Variants in HTRA1 observed in about 807,000 individuals in gnomAD.
HTRA1 encodes the protein serine protease HTRA1.
Under a neutral mutation model 49.7 loss-of-function variants are expected in HTRA1, and 26 were observed. That is an observed-to-expected ratio of 0.52 (90% CI 0.38 to 0.73). The LOEUF (loss-of-function observed/expected upper bound fraction) is 0.73, where lower values mean the gene tolerates loss of function less well. Ranked by LOEUF, HTRA1 falls within the 30% of genes least tolerant of loss-of-function variation. The pLI, the probability that HTRA1 is intolerant of heterozygous loss-of-function variation, is 0.00. For missense variants in HTRA1, 561 were observed against 667.2 expected (o/e 0.84, Z 1.75); for synonymous variants, 291 against 286.9 (o/e 1.01, Z -0.14).
chr10:122,505,499 C>T (rs781154351), intron 3 of HTRA1, among the ~76,000 whole-genome samples: 5 of 152,146 alleles, frequency 3.3e-5, no homozygotes, highest in East Asian at 1.9e-4. Context: ...TGCTCTGTCT[C>T]GAGTCACCCA....
At chr10:122,491,252 C>T (rs1231180437) in intron 3 of HTRA1, among the ~76,000 whole-genome samples, 2 of 152,224 alleles carry the variant, frequency 1.3e-5, no homozygotes, top group African/African-American at 4.8e-5. Context: ...CATGACCCTG[C>T]CCTCCTAAGG....
intron 6 of HTRA1, 91 bp downstream of exon 6, chr10:122,508,861 C>T (rs1427740511): frequency 1.3e-6 from 1 of 796,354 alleles, no homozygotes; most frequent in East Asian, 2.5e-5. Context: ...AAAGCGGCAG[C>T]CCCTAGGACT....
In HTRA1 at chr10:122,494,866, T is replaced by C. The variant is rs1195989667; in HGVS notation, c.777+5240T>C. On this transcript the variant is annotated intron_variant, in intron 3 of 8. Coordinates refer to ENST00000368984, the MANE Select transcript of HTRA1 (RefSeq NM_002775.5). The surrounding 1 kb of genome is among the most constrained non-coding windows in gnomAD (Gnocchi z 4.0). ...GGTGAGGGGCCTGGGGCCTTTTACA[T>C]GTCCCGGGAGCTGCTGAGCAGGCCA... Among the ~76,000 whole-genome samples, 2 of 152,152 alleles carry C rather than the reference T, an allele frequency of 1.3e-5. No individual in the cohort carries two copies. Among genetic ancestry groups the C allele is most frequent in the East Asian group, 3.9e-4 (2 of 5,190 alleles).
chr10:122,488,863 G>A, intron 1 of HTRA1, 39 bp from the exon 2 acceptor site: 1 of 1,498,306 alleles, frequency 6.7e-7, no homozygotes, highest in Non-Finnish European at 9.3e-7. Context: ...GGCCACAGCA[G>A]AGTGTCATTA....
intron 3 of HTRA1, among the ~76,000 whole-genome samples, chr10:122,503,784 C>G (rs1271861700): frequency 1.3e-5 from 2 of 152,164 alleles, no homozygotes. Flanking sequence ...GACCCCTCCC[C>G]ACTCCGCCGC....
rs149778456 is a variant in HTRA1 at position 122,486,852 on chromosome 10, A to G, written c.473-2050A>G. On this transcript the variant is annotated intron_variant, in intron 1 of 8. Coordinates refer to ENST00000368984, the MANE Select transcript of HTRA1 (RefSeq NM_002775.5). ...TATATGAATGTGTGTGGAAGTGTGT[A>G]TAGGTGTTTATGTGACAGTTTGTGT... Among the ~76,000 whole-genome samples, 412 of 152,106 alleles carry G rather than the reference A, an allele frequency of 2.7e-3. 1 individual carries two copies. Among genetic ancestry groups the G allele is most frequent in the African/African-American group, 9.4e-3 (390 of 41,490 alleles).
rs747305348 is a variant in HTRA1, at chr10:122,507,364, T to C, written c.973-6T>C. ...TTGTAACCTTTTCATTTCTGTTTAA[T>C]TGCAGTATGGAAACTCGGGAGGCCC... On this transcript the variant is annotated splice_polypyrimidine_tract_variant and splice_region_variant and intron_variant, in intron 4 of 8. Transcript: ENST00000368984. The C allele has an allele frequency of 2.9e-5, 47 of 1,609,832 alleles. No individual in the cohort carries two copies. Among genetic ancestry groups the C allele is most frequent in the Non-Finnish European group, 4.0e-5 (47 of 1,176,166 alleles).
intron 8 of HTRA1, 46 bp from the exon 9 acceptor site, chr10:122,514,145 A>G: frequency 6.3e-7 from 1 of 1,586,638 alleles, no homozygotes; most frequent in Non-Finnish European, 8.6e-7. Context: ...GACCAGGAGG[A>G]ATGGAAACAC....
Position 122,464,527 on chromosome 10 carries a change from T to G in HTRA1, c.472+2403T>G, listed in dbSNP as rs1414469799. Among the ~76,000 whole-genome samples, 1 of 152,194 alleles carries G rather than the reference T, an allele frequency of 6.6e-6. No individual in the cohort carries two copies. Among genetic ancestry groups the G allele is most frequent in the African/African-American group, 2.4e-5 (1 of 41,462 alleles). ...TGTCTGGCACATCGGAGGTACTTGG[T>G]ACGAGTGGATTAGTGAATGAATAAA... On this transcript the variant is annotated intron_variant, in intron 1 of 8. Transcript: ENST00000368984. This position sits in a 1 kb window ranked among gnomAD's most constrained non-coding sequence, Gnocchi z 4.8.
chr10:122,477,246 T>G (rs142794490), intron 1 of HTRA1, among the ~76,000 whole-genome samples: 1 of 152,086 alleles, frequency 6.6e-6, no homozygotes, highest in African/African-American at 2.4e-5. Context: ...GGATTACAGG[T>G]GTGAGCCACC....
At position 122,490,901 on chromosome 10, in the gene HTRA1, T is replaced by G. The variant is rs2097495474; in HGVS notation, c.777+1275T>G. Among the ~76,000 whole-genome samples, 1 of 152,140 alleles carries G rather than the reference T, an allele frequency of 6.6e-6. No homozygotes were observed. The highest frequency in any genetic ancestry group is 1.5e-5 in the Non-Finnish European group (1 of 68,032). ...TCAGAAAACCACCAGCTAACACATT[T>G]ACTACCCTCCTTCCCCGATGTTCCT... On this transcript the variant is annotated intron_variant, in intron 3 of 8. Coordinates refer to ENST00000368984, the MANE Select transcript of HTRA1 (RefSeq NM_002775.5). This position sits in a 1 kb window ranked among gnomAD's most constrained non-coding sequence, Gnocchi z 4.2.
chr10:122,472,578 G>A (rs1478193374), intron 1 of HTRA1, among the ~76,000 whole-genome samples: 1 of 151,902 alleles, frequency 6.6e-6, no homozygotes, highest in Non-Finnish European at 1.5e-5. Flanking sequence ...ATATTTTTAA[G>A]TAGAGACAGT....
At chr10:122,477,625 T>G (rs2901309) in intron 1 of HTRA1, among the ~76,000 whole-genome samples, 6,690 of 152,286 alleles carry the variant, frequency 0.044, 257 homozygotes, top group East Asian at 0.14. Context: ...AGTTTCTGAC[T>G]GGTGTCTAGC....
At chr10:122,474,227 C>T (rs1230792892) in intron 1 of HTRA1, among the ~76,000 whole-genome samples, 1 of 152,184 alleles carries the variant, frequency 6.6e-6, no homozygotes, top group Admixed American at 6.5e-5. Flanking sequence ...AGCCTACCCC[C>T]TCATCTTACC....
intron 6 of HTRA1, among the ~76,000 whole-genome samples, 195 bp from the exon 7 acceptor site, chr10:122,509,900 AC>A (rs2097504827): frequency 6.6e-6 from 1 of 152,104 alleles, no homozygotes. Context: ...CAGGTACCTG[AC>A]CATTAATTGA....
chr10:122,501,338 T>A (rs2097500776), intron 3 of HTRA1, among the ~76,000 whole-genome samples: 1 of 152,192 alleles, frequency 6.6e-6, no homozygotes, highest in Admixed American at 6.5e-5. Context: ...TTTAAGCAGA[T>A]TAGCAGACAT....
chr10:122,494,288 C>T lies in HTRA1; in HGVS notation c.777+4662C>T, dbSNP rs1428002647. On this transcript the variant is annotated intron_variant, in intron 3 of 8. Transcript: ENST00000368984. This position sits in a 1 kb window ranked among gnomAD's most constrained non-coding sequence, Gnocchi z 4.0. ...CTTGGCAACCTTGTTCAGAGTAGGA[C>T]GTTCACAGCTGTCTGCCCCGGAGGA... is the stretch of plus-strand genomic sequence containing the variant. 2.0e-5 allele frequency among the ~76,000 whole-genome samples: 3 copies of T among 152,120 alleles called. No homozygotes were observed. Among genetic ancestry groups the T allele is most frequent in the African/African-American group, 4.8e-5 (2 of 41,406 alleles).
chr10:122,464,274 G>C lies in HTRA1; in HGVS notation c.472+2150G>C, dbSNP rs2133907043. Among the ~76,000 whole-genome samples the C allele has an allele frequency of 6.6e-6, 1 of 152,272 alleles. No homozygotes were observed. The highest frequency in any genetic ancestry group is 2.1e-4 in the South Asian group (1 of 4,822). Reference sequence around the variant, plus strand: ...TGAGGCAAGTTGCTTAACAAGTTTTGGAGTTGGCTGAGTCCCTGTGTGGAG... The same window carrying C: ...TGAGGCAAGTTGCTTAACAAGTTTTCGAGTTGGCTGAGTCCCTGTGTGGAG... On this transcript the variant is annotated intron_variant, in intron 1 of 8. Coordinates refer to ENST00000368984, the MANE Select transcript of HTRA1 (RefSeq NM_002775.5). The surrounding 1 kb of genome is among the most constrained non-coding windows in gnomAD (Gnocchi z 4.8).
intron 1 of HTRA1, among the ~76,000 whole-genome samples, chr10:122,484,149 G>A (rs545842796): frequency 3.9e-5 from 6 of 152,186 alleles, no homozygotes; most frequent in Non-Finnish European, 4.4e-5. Context: ...CCTTTCAGGG[G>A]GCTTCCCGTC....
Sources: gnomAD v4.1 joint callset for allele counts (sites outside exome capture counted in the v4.1 genomes callset) on GRCh38, gnomAD v4.1.1 for gene constraint, Gnocchi (gnomAD v3.1) non-coding constraint, MANE v1.5 for transcripts, NCBI Gene and HGNC (gene_info 2026-07-23, HGNC 2026-07-21) for gene names.